IFI16: variants seen among roughly 807,000 people sequenced by gnomAD.
The protein encoded by IFI16 is gamma-interferon-inducible protein 16.
IFI16 carries 49 observed loss-of-function variants against 68.4 expected under a neutral mutation model. The observed-to-expected ratio is 0.72, with a 90% CI of 0.57 to 0.91. IFI16 has a LOEUF of 0.91. Among genes scored for constraint, IFI16 ranks in the 40% least tolerant of loss-of-function variants. The pLI, the probability that IFI16 is intolerant of heterozygous loss-of-function variation, is 0.00. For synonymous variants in IFI16, 307 were observed against 315.0 expected, an observed-to-expected ratio of 0.97 and a Z score of 0.27; for missense variants, 878 against 942.9, an observed-to-expected ratio of 0.93 and a Z score of 0.90.
At chr1:159,039,689 CT>C (rs1654510621) in intron 7 of IFI16, among the ~76,000 whole-genome samples, 1 of 152,140 alleles carries the variant, frequency 6.6e-6, no homozygotes, top group Admixed American at 6.5e-5. Context: ...AAGACTCAAT[CT>C]TTTCCTGAGA....
intron 6 of IFI16, among the ~76,000 whole-genome samples, chr1:159,023,069 A>C (rs541498092): frequency 1.3e-5 from 2 of 152,228 alleles, no homozygotes; most frequent in Admixed American, 6.5e-5. Flanking sequence ...GCCTACAAGA[A>C]TAAGTACACC....
chr1:159,003,959 C>T (rs1035274635), upstream of IFI16, among the ~76,000 whole-genome samples: 5 of 152,080 alleles, frequency 3.3e-5, no homozygotes, highest in African/African-American at 9.7e-5. Context: ...CGCGCCCAGC[C>T]AATTCTGTAT....
chr1:159,042,656 C>A (rs1371547610), intron 7 of IFI16, among the ~76,000 whole-genome samples: 2 of 152,170 alleles, frequency 1.3e-5, no homozygotes, highest in African/African-American at 4.8e-5. Context: ...TCATTGTTTG[C>A]CTTCATAGGT....
intron 6 of IFI16, among the ~76,000 whole-genome samples, chr1:159,026,359 C>T (rs1315254227): frequency 2.7e-5 from 4 of 150,406 alleles, no homozygotes; most frequent in African/African-American, 4.9e-5. Flanking sequence ...AGTGCAATGG[C>T]GCGATCTTGG....
At chr1:159,015,028 A>G in intron 2 of IFI16, 83 bp downstream of exon 2, 1 of 1,299,414 alleles carries the variant, frequency 7.7e-7, no homozygotes, top group South Asian at 1.5e-5. Flanking sequence ...CCTCGGACAT[A>G]CTTGAGATGT....
intron 4 of IFI16, 107 bp from the exon 5 acceptor site, chr1:159,018,122 C>T (rs1167528220): frequency 4.6e-6 from 4 of 867,934 alleles, no homozygotes; most frequent in Admixed American, 2.5e-5. Flanking sequence ...CAGCTCTAAA[C>T]ATCTGTGCAA....
Position 159,054,889 on chromosome 1 carries a change from C to T in IFI16, c.2346C>T (p.Asp782=). ...NPDSSMETSP[D]FFF is the part of the protein sequence containing the mutation. ...ATTCAAGTATGGAAACTTCACCAGA[C>T]TTTTTCTTCTAAAATCTGGATGTCA... Residue 782 remains aspartate (D), a synonymous_variant, in exon 12 of 12, where the codon GAC becomes GAT. Coordinates refer to ENST00000295809, the MANE Select transcript of IFI16 (RefSeq NM_001376587.1). 6.3e-7 allele frequency: 1 copy of T among 1,581,210 alleles called. No homozygotes were observed. Among genetic ancestry groups the T allele is most frequent in the Non-Finnish European group, 8.7e-7 (1 of 1,152,594 alleles).
upstream of IFI16, among the ~76,000 whole-genome samples, chr1:159,008,139 TAAAG>T (rs889238063): frequency 4.6e-5 from 7 of 152,108 alleles, no homozygotes; most frequent in South Asian, 4.1e-4. Flanking sequence ...CTTTTTGTCA[TAAAG>T]AGAGAAATGG....
chr1:159,035,313 A>G (rs1176546224), intron 7 of IFI16, among the ~76,000 whole-genome samples: 1 of 152,228 alleles, frequency 6.6e-6, no homozygotes, highest in Non-Finnish European at 1.5e-5. Flanking sequence ...GCCCTTGCTC[A>G]GTCATTGCAA....
At chr1:159,009,401 C>A (rs1417806), upstream of IFI16, among the ~76,000 whole-genome samples, 109,571 of 152,066 alleles carry the variant, frequency 0.72, 39,659 homozygotes, top group East Asian at 0.83. Context: ...GATTTCATAG[C>A]AGACATTTCC....
intron 7 of IFI16, among the ~76,000 whole-genome samples, chr1:159,041,861 G>A (rs1004719140): frequency 6.6e-6 from 1 of 152,144 alleles, no homozygotes; most frequent in Non-Finnish European, 1.5e-5. Context: ...ATACCTACTC[G>A]TTAATAGTTC....
intron 6 of IFI16, among the ~76,000 whole-genome samples, chr1:159,029,990 C>G (rs1272568511): frequency 2.7e-5 from 4 of 150,502 alleles, no homozygotes; most frequent in African/African-American, 9.9e-5. Flanking sequence ...CAGCTTTGTT[C>G]ATTTTTAATT....
In IFI16 at chr1:159,045,042, C is replaced by T. The variant is rs1060520; in HGVS notation, c.1330-255C>T. Among the ~76,000 whole-genome samples, 96 of 152,068 alleles carry T rather than the reference C, an allele frequency of 6.3e-4. 1 individual carries two copies. The highest frequency in any genetic ancestry group is 2.5e-3 in the East Asian group (13 of 5,162). ...AATAACTCAGTCCAGTTTTACAGGA[C>T]GTGAAGACTGAGTATTCCATCCCCA... is the stretch of plus-strand genomic sequence containing the variant. On this transcript the variant is annotated intron_variant, in intron 7 of 11. Coordinates refer to ENST00000295809, the MANE Select transcript of IFI16 (RefSeq NM_001376587.1).
intron 7 of IFI16, among the ~76,000 whole-genome samples, chr1:159,044,917 A>C (rs552620780): frequency 6.6e-6 from 1 of 151,954 alleles, no homozygotes; most frequent in South Asian, 2.1e-4. Flanking sequence ...TGTGTATCTA[A>C]TTGATGAGAA....
At chr1:159,040,624 GATCT>G (rs1201485410) in intron 7 of IFI16, among the ~76,000 whole-genome samples, 2 of 152,140 alleles carry the variant, frequency 1.3e-5, no homozygotes, top group African/African-American at 4.8e-5. Context: ...ATCTCACCTT[GATCT>G]GGGGTATCCA....
At chr1:159,020,296 T>TA (rs777951591) in intron 5 of IFI16, 45 bp from the exon 6 acceptor site, 2 of 1,434,650 alleles carry the variant, frequency 1.4e-6, no homozygotes, top group Admixed American at 1.8e-5. Flanking sequence ...ATGTGGTTGT[T>TA]ATTAATTACA....
intron 6 of IFI16, among the ~76,000 whole-genome samples, chr1:159,022,491 T>G (rs1191753830): frequency 6.6e-6 from 1 of 152,170 alleles, no homozygotes. Flanking sequence ...TCGGTTTCCA[T>G]TGGCTGGGAC....
intron 7 of IFI16, among the ~76,000 whole-genome samples, chr1:159,040,122 C>T (rs187791299): frequency 5.9e-5 from 9 of 152,130 alleles, no homozygotes; most frequent in East Asian, 3.9e-4. Flanking sequence ...GAACCCATGA[C>T]GTATGTCAAG....
upstream of IFI16, among the ~76,000 whole-genome samples, chr1:159,002,175 G>A (rs1460393720): frequency 2.0e-5 from 3 of 152,098 alleles, no homozygotes; most frequent in Non-Finnish European, 4.4e-5. Flanking sequence ...GGTGGCATGA[G>A]TTACCTGGAA....
Sources: allele counts gnomAD v4.1 joint callset (sites outside exome capture counted in the v4.1 genomes callset), GRCh38; gene constraint gnomAD v4.1.1; transcripts MANE v1.5; gene names NCBI Gene and HGNC (gene_info 2026-07-23, HGNC 2026-07-21).